IL1F10: variants seen among roughly 807,000 people sequenced by gnomAD.
IL1F10 encodes the protein interleukin-1 family member 10.
Under a neutral mutation model 13.1 loss-of-function variants are expected in IL1F10, and 13 were observed. The ratio of observed to expected loss-of-function variants is 0.99; its 90% CI spans 0.64 to 1.57. IL1F10 has a LOEUF of 1.57. Among genes scored for constraint, IL1F10 ranks in the 40% most tolerant of loss-of-function variants. The pLI is 0.00. For missense variants in IL1F10, 191 were observed against 184.1 expected (o/e 1.04, Z -0.22); for synonymous variants, 78 against 68.2 (o/e 1.14, Z -0.71).
chr2:113,072,830 AG>A (rs1186169401), intron 2 of IL1F10, 60 bp downstream of exon 2: 8 of 1,445,340 alleles, frequency 5.5e-6, no homozygotes, highest in Non-Finnish European at 7.8e-6. Flanking sequence ...GGAAGAGGAA[AG>A]GAATGCTGAG....
intron 1 of IL1F10, among the ~76,000 whole-genome samples, chr2:113,071,374 T>A (rs1685831772): frequency 1.3e-5 from 2 of 152,250 alleles, no homozygotes; most frequent in Non-Finnish European, 2.9e-5. Flanking sequence ...TTGTAAAAAA[T>A]TATGCAGTGA....
intron 2 of IL1F10, 109 bp downstream of exon 2, chr2:113,072,879 A>G: frequency 2.2e-6 from 2 of 912,880 alleles, no homozygotes; most frequent in Non-Finnish European, 3.5e-6. Flanking sequence ...AGAAATTGCA[A>G]GTGCCCCATA....
At chr2:113,073,009 A>T (rs1398554452) in intron 2 of IL1F10, among the ~76,000 whole-genome samples, 2 of 152,094 alleles carry the variant, frequency 1.3e-5, no homozygotes, top group Non-Finnish European at 2.9e-5. Flanking sequence ...TATTAAACCC[A>T]TTTTACAGAT....
chr2:113,070,284 T>C (rs1336680089), intron 1 of IL1F10, among the ~76,000 whole-genome samples: 1 of 152,102 alleles, frequency 6.6e-6, no homozygotes, highest in Non-Finnish European at 1.5e-5. Flanking sequence ...TTCCTACCCT[T>C]ACTCACTTCA....
At position 113,068,433 on chromosome 2, in the gene IL1F10, C is replaced by T. The variant is rs183420589; in HGVS notation, c.-29+417C>T. The stretch of plus-strand genomic sequence containing the variant: ...CAGGGTTCCAAAGTCTCCATTGCTT[C>T]CTGTGTCAGCAAAGCAGCTGCCCTT... On this transcript the variant is annotated intron_variant, in intron 1 of 4. Coordinates refer to ENST00000341010, the MANE Select transcript of IL1F10 (RefSeq NM_173161.3). Among the ~76,000 whole-genome samples, 9 of 151,506 alleles carry T rather than the reference C, an allele frequency of 5.9e-5. No homozygotes were observed. In the East Asian group the frequency reaches 1.8e-3, roughly 30 times the overall value.
At chr2:113,070,686 A>G (rs1323405875) in intron 1 of IL1F10, among the ~76,000 whole-genome samples, 1 of 152,230 alleles carries the variant, frequency 6.6e-6, no homozygotes, top group Non-Finnish European at 1.5e-5. Context: ...TTTAGGACTC[A>G]AAGTGCTGGC....
At chr2:113,072,678 C>A in intron 1 of IL1F10, 33 bp from the exon 2 acceptor site, 1 of 1,514,556 alleles carries the variant, frequency 6.6e-7, no homozygotes, top group Non-Finnish European at 9.1e-7. Context: ...ACCCAGCCTC[C>A]TTTTCTAACT....
chr2:113,075,686 CA>C lies in IL1F10; in HGVS notation c.*323del, dbSNP rs1326805445. ...GTGAGGGGCCTTGAGCCAACAAATG[CA>C]GGTGTTTTTAGAAGGTGGAAAAGCC... is the stretch of plus-strand genomic sequence containing the variant. On this transcript the variant is annotated 3_prime_UTR_variant, in exon 5 of 5. Transcript: ENST00000341010. 2.2e-5 allele frequency: 4 copies of C among 184,588 alleles called. No homozygotes were observed. Among genetic ancestry groups the C allele is most frequent in the African/African-American group, 4.7e-5 (2 of 42,578 alleles). The allele number at this position is 184,588 out of a possible 1,614,324, so 11.4% of individuals were successfully genotyped here. A position where few individuals can be genotyped will look rare whatever the true frequency, so the allele number is the denominator to read the frequency against.
At chr2:113,071,802 TCTG>T (rs1270375277) in intron 1 of IL1F10, among the ~76,000 whole-genome samples, 1 of 152,220 alleles carries the variant, frequency 6.6e-6, no homozygotes, top group Non-Finnish European at 1.5e-5. Context: ...TCTCTCATTT[TCTG>T]CTTTCTTATA....
chr2:113,069,338 A>G (rs1685794245), intron 1 of IL1F10, among the ~76,000 whole-genome samples: 1 of 152,232 alleles, frequency 6.6e-6, no homozygotes, highest in Non-Finnish European at 1.5e-5. Flanking sequence ...CACATTCCTC[A>G]CATAGGTTGG....
chr2:113,070,606 C>T (rs985070184), intron 1 of IL1F10, among the ~76,000 whole-genome samples: 1 of 152,152 alleles, frequency 6.6e-6, no homozygotes, highest in Non-Finnish European at 1.5e-5. Flanking sequence ...AAGGGGAGCC[C>T]ATCATCAAGT....
chr2:113,070,683 C>T (rs1685820569), intron 1 of IL1F10, among the ~76,000 whole-genome samples: 1 of 152,178 alleles, frequency 6.6e-6, no homozygotes, highest in African/African-American at 2.4e-5. Flanking sequence ...TCCTTTAGGA[C>T]TCAAAGTGCT....
chr2:113,072,591 A>G, intron 1 of IL1F10, 120 bp from the exon 2 acceptor site: 1 of 642,756 alleles, frequency 1.6e-6, no homozygotes, highest in South Asian at 1.9e-5. Context: ...CAGGCCAATT[A>G]TAGACGAATG....
chr2:113,068,494 T>A (rs1167117967), intron 1 of IL1F10, among the ~76,000 whole-genome samples: 5 of 152,204 alleles, frequency 3.3e-5, no homozygotes, highest in African/African-American at 7.2e-5. Context: ...CTGCATAAAA[T>A]TTTATTGTGA....
chr2:113,072,978 A>G (rs1469629690), intron 2 of IL1F10, among the ~76,000 whole-genome samples: 3 of 152,188 alleles, frequency 2.0e-5, no homozygotes, highest in South Asian at 2.1e-4. Flanking sequence ...CTCTGTTCCA[A>G]AAAGTCTGTA....
chr2:113,074,245 T>G (rs1685893607), intron 2 of IL1F10, 84 bp from the exon 3 acceptor site: 2 of 841,026 alleles, frequency 2.4e-6, no homozygotes, highest in Non-Finnish European at 4.1e-6. Context: ...CTCAAGGTGG[T>G]GATTCAGAGC....
At chr2:113,071,759 T>C (rs1050402629) in intron 1 of IL1F10, among the ~76,000 whole-genome samples, 4 of 152,216 alleles carry the variant, frequency 2.6e-5, no homozygotes, top group African/African-American at 9.6e-5. Context: ...CTGAGCCCTA[T>C]TACTTTCTTC....
rs1187770956 is a variant in IL1F10 at position 113,075,203 on chromosome 2, A to G, written c.298A>G (p.Thr100Ala). Residue 100 changes from threonine to alanine, a missense_variant, in exon 5 of 5, where the codon ACC becomes GCC. By Grantham distance (58) the Thr-to-Ala change is moderately conservative. Coordinates refer to ENST00000341010, the MANE Select transcript of IL1F10 (RefSeq NM_173161.3). ...YKGGEEATRF[T>A]FFQSSSGSAF... ...AGGTGGTGAAGAGGCCACACGCTTC[A>G]CCTTCTTCCAGAGCAGCTCAGGCTC... 2 of 1,613,840 alleles carry G rather than the reference A, an allele frequency of 1.2e-6. No individual in the cohort carries two copies. Among genetic ancestry groups the G allele is most frequent in the South Asian group, 2.2e-5 (2 of 91,050 alleles).
At position 113,068,312 on chromosome 2, in the gene IL1F10, G is replaced by T. The variant is rs72946747; in HGVS notation, c.-29+296G>T. Among the ~76,000 whole-genome samples, 989 of 151,206 alleles carry T rather than the reference G, an allele frequency of 6.5e-3. 14 individuals are homozygous for T. Among genetic ancestry groups the T allele is most frequent in the African/African-American group, 0.023 (949 of 41,260 alleles). On this transcript the variant is annotated intron_variant, in intron 1 of 4. Transcript: ENST00000341010. ...GGCCAATGGTATTCAAACCGTGTTT[G>T]GTGGAAGCTTAAGAGATTTTTTGTT... is the stretch of plus-strand genomic sequence containing the variant.
Sources: gnomAD v4.1 joint callset for allele counts (sites outside exome capture counted in the v4.1 genomes callset) on GRCh38, gnomAD v4.1.1 for gene constraint, MANE v1.5 for transcripts, NCBI Gene and HGNC (gene_info 2026-07-23, HGNC 2026-07-21) for gene names.